DARS1: variants seen among roughly 807,000 people sequenced by gnomAD.
DARS1 encodes the protein aspartate--tRNA ligase, cytoplasmic.
DARS1 carries 51 observed loss-of-function variants against 68.8 expected under a neutral mutation model. That is an observed-to-expected ratio of 0.74 (90% confidence interval 0.59 to 0.94). The LOEUF is 0.94. Ranked by LOEUF, DARS1 falls within the 40% of genes least tolerant of loss-of-function variation. The pLI is 0.00. For missense variants in DARS1, 607 were observed against 597.3 expected (o/e 1.02, Z -0.17); for synonymous variants, 203 against 190.4 (o/e 1.07, Z -0.55).
intron 4 of DARS1, among the ~76,000 whole-genome samples, chr2:135,954,839 T>C (rs1200444781): frequency 2.0e-5 from 3 of 152,092 alleles, no homozygotes; most frequent in Non-Finnish European, 2.9e-5. Context: ...ATTCACATAA[T>C]CTATCAATAA....
chr2:135,984,550 G>A (rs1199788826), intron 1 of DARS1, among the ~76,000 whole-genome samples: 1 of 152,278 alleles, frequency 6.6e-6, no homozygotes, highest in Middle Eastern at 3.4e-3. Flanking sequence ...AAGCCTGAGG[G>A]CAACAGAAGG....
chr2:135,925,975 C>T (rs960266718), intron 7 of DARS1, among the ~76,000 whole-genome samples: 5 of 152,298 alleles, frequency 3.3e-5, no homozygotes, highest in Non-Finnish European at 5.9e-5. Flanking sequence ...ACTGCAACCT[C>T]CACCTCCTGG....
intron 7 of DARS1, among the ~76,000 whole-genome samples, chr2:135,924,804 T>C (rs927469402): frequency 1.3e-5 from 2 of 152,282 alleles, no homozygotes; most frequent in Admixed American, 6.5e-5. Flanking sequence ...TACTTGTGAA[T>C]GGTCTGTTTT....
intron 3 of DARS1, among the ~76,000 whole-genome samples, chr2:135,963,060 G>C (rs1682135178): frequency 6.6e-6 from 1 of 152,116 alleles, no homozygotes; most frequent in Non-Finnish European, 1.5e-5. Context: ...AAAGACCCTG[G>C]AGAAAGAATG....
At chr2:135,975,650 C>T (rs944988682) in intron 3 of DARS1, among the ~76,000 whole-genome samples, 1 of 150,640 alleles carries the variant, frequency 6.6e-6, no homozygotes, top group African/African-American at 2.5e-5. Flanking sequence ...CAAAAATCAG[C>T]TGGGCATGGT....
Position 135,952,966 on chromosome 2 carries a change from G to C in DARS1, c.320+8430C>G, listed in dbSNP as rs186275225. ...ATGAGCCGCCATACCGTTTTCCATA[G>C]AGGCTATACTAATTTACATTCCCAC... On this transcript the variant is annotated intron_variant, in intron 4 of 15. Transcript: ENST00000264161. Among the ~76,000 whole-genome samples the C allele has an allele frequency of 5.7e-4, 87 of 152,216 alleles. 1 individual carries two copies. The highest frequency in any genetic ancestry group is 4.4e-5 in the Non-Finnish European group (3 of 68,018).
At chr2:135,913,777 A>G (rs1017921019) in intron 12 of DARS1, among the ~76,000 whole-genome samples, 1 of 152,112 alleles carries the variant, frequency 6.6e-6, no homozygotes, top group African/African-American at 2.4e-5. Flanking sequence ...AAAAAATTAC[A>G]TTCCAACAGT....
chr2:135,951,642 T>C (rs1681840929), intron 4 of DARS1, among the ~76,000 whole-genome samples: 4 of 152,184 alleles, frequency 2.6e-5, no homozygotes, highest in Admixed American at 2.6e-4. Flanking sequence ...GAACACTCGG[T>C]CAATGCAGAC....
chr2:135,911,704 C>A (rs983009470), intron 13 of DARS1: 3 of 429,892 alleles, frequency 7.0e-6, no homozygotes, highest in Non-Finnish European at 1.2e-5. Flanking sequence ...CCCACACCCC[C>A]CAATAACAAA....
rs869183598 is a variant in DARS1, at chr2:135,907,238, C to CTTTTTTTTTTT, written c.*77_*78insAAAAAAAAAAA. On this transcript the variant is annotated 3_prime_UTR_variant, in exon 16 of 16. Coordinates refer to ENST00000264161, the MANE Select transcript of DARS1 (RefSeq NM_001349.4). ...AGGTTACTGAAAAGAATAAGTGTGG[C>CTTTTTTTTTTT]TTTCTTTTTTTTTTTTTTTTTTTGA... is the stretch of plus-strand genomic sequence containing the variant. 412 of 725,178 alleles carry CTTTTTTTTTTT rather than the reference C, an allele frequency of 5.7e-4. 9 individuals carry two copies. The highest frequency in any genetic ancestry group is 1.7e-3 in the South Asian group (79 of 47,028). The allele number at this position is 725,178 out of a possible 1,614,324, so 44.9% of individuals were successfully genotyped here. A position where few individuals can be genotyped will look rare whatever the true frequency, so the allele number is the denominator to read the frequency against.
chr2:135,933,088 C>A lies in DARS1; in HGVS notation c.505-246G>T, dbSNP rs141203932. 2.6e-3 allele frequency among the ~76,000 whole-genome samples: 392 copies of A among 152,278 alleles called. 1 individual carries two copies. Among genetic ancestry groups the A allele is most frequent in the African/African-American group, 8.6e-3 (359 of 41,564 alleles). ...ATGGTTCTTTCCCTCCTCCACCCCT[C>A]AAAGCCTTGCCTCATTATTGGGATA... On this transcript the variant is annotated intron_variant, in intron 6 of 15. Coordinates refer to ENST00000264161, the MANE Select transcript of DARS1 (RefSeq NM_001349.4).
intron 4 of DARS1, among the ~76,000 whole-genome samples, chr2:135,946,550 T>C (rs1681726569): frequency 6.6e-6 from 1 of 152,156 alleles, no homozygotes; most frequent in Admixed American, 6.5e-5. Context: ...TTTCCCTCAA[T>C]GGGTAATCTT....
At chr2:135,935,976 T>C (rs765533270) in intron 5 of DARS1, among the ~76,000 whole-genome samples, 2 of 152,188 alleles carry the variant, frequency 1.3e-5, no homozygotes, top group African/African-American at 2.4e-5. Context: ...AGGATTCCCT[T>C]TGACAAGTTA....
At chr2:135,971,618 G>C (rs1234980504) in intron 3 of DARS1, among the ~76,000 whole-genome samples, 1 of 152,038 alleles carries the variant, frequency 6.6e-6, no homozygotes, top group African/African-American at 2.4e-5. Flanking sequence ...AAAAAATAAA[G>C]GGCATCCAAA....
chr2:135,953,690 C>T (rs1486849678), intron 4 of DARS1, among the ~76,000 whole-genome samples: 2 of 152,092 alleles, frequency 1.3e-5, no homozygotes, highest in Admixed American at 6.6e-5. Context: ...GGTTCCAACT[C>T]CCTGTCCCTC....
chr2:135,922,905 T>C lies in DARS1; in HGVS notation c.690A>G (p.Gly230=). 6.5e-7 allele frequency: 1 copy of C among 1,548,422 alleles called. No individual in the cohort carries two copies. Among genetic ancestry groups the C allele is most frequent in the Non-Finnish European group, 8.7e-7 (1 of 1,150,684 alleles). The change falls in exon 9 of 16, where the codon GGA becomes GGG. Residue 230 remains glycine (G), a synonymous_variant. Coordinates refer to ENST00000264161, the MANE Select transcript of DARS1 (RefSeq NM_001349.4). ...TPKIISAASE[G]GANVFTVSYF... ...ATGACACAGTAAAAACATTGGCTCCTCCTTCACTGGCAGCTGAAAGGTAAA... is the reference window on the plus strand; with the variant it reads ...ATGACACAGTAAAAACATTGGCTCCCCCTTCACTGGCAGCTGAAAGGTAAA...
rs771104588 is a variant in DARS1, at chr2:135,914,620, G to C, written c.1107-109C>G. On this transcript the variant is annotated intron_variant, in intron 11 of 15. Transcript: ENST00000264161. ...CTCAAGGGATTACAAAATTTGGCCAGAACACGCAGTTGTCTATTCTGCTCT... is the reference window on the plus strand; with the variant it reads ...CTCAAGGGATTACAAAATTTGGCCACAACACGCAGTTGTCTATTCTGCTCT... 6.1e-4 allele frequency: 488 copies of C among 796,472 alleles called. 1 individual carries two copies. Among genetic ancestry groups the C allele is most frequent in the Admixed American group, 1.1e-3 (60 of 52,644 alleles). 49.3% of individuals were successfully genotyped at this position (796,472 alleles called of 1,614,324 possible). A position where few individuals can be genotyped will look rare whatever the true frequency, so the allele number is the denominator to read the frequency against.
At chr2:135,973,103 C>T (rs181199142) in intron 3 of DARS1, among the ~76,000 whole-genome samples, 24 of 152,216 alleles carry the variant, frequency 1.6e-4, no homozygotes, top group Admixed American at 4.6e-4. Flanking sequence ...ATCAGTGTAT[C>T]GAAGAGATAT....
chr2:135,922,951 T>A, intron 8 of DARS1, 33 bp from the exon 9 acceptor site: 2 of 1,453,804 alleles, frequency 1.4e-6, no homozygotes, highest in East Asian at 2.6e-5. Context: ...TATATTATTA[T>A]AATCAATTGT....
Sources: gnomAD v4.1 joint callset for allele counts (sites outside exome capture counted in the v4.1 genomes callset) on GRCh38, gnomAD v4.1.1 for gene constraint, MANE v1.5 for transcripts, NCBI Gene and HGNC (gene_info 2026-07-23, HGNC 2026-07-21) for gene names.